Variants in TERF2 observed in about 807,000 individuals in gnomAD.
TERF2 encodes the protein telomeric repeat-binding factor 2.
In TERF2, 16 loss-of-function variants were observed where a neutral mutation model predicts 56.1. The observed-to-expected ratio is 0.29, with a 90% confidence interval of 0.19 to 0.43. The LOEUF (loss-of-function observed/expected upper bound fraction) is 0.43. Ranked by LOEUF, TERF2 falls within the 20% of genes least tolerant of loss-of-function variation. TERF2 has a pLI of 1.00. For missense variants in TERF2, 547 were observed against 712.9 expected (o/e 0.77, Z 2.65); for synonymous variants, 296 against 282.1 (o/e 1.05, Z -0.50).
chr16:69,357,005 CA>C lies in TERF2; in HGVS notation c.1521del (p.Tyr507Ter). ...SEWVKAGVQK[Y>X]GEGNWAAISK... ...GAAATGGCAGCCCAGTTTCCTTCCC[CA>C]TATTTCTGCACTCCAGCCTTGACCC... On this transcript the variant is annotated frameshift_variant, in exon 10 of 10. Coordinates refer to ENST00000254942, the MANE Select transcript of TERF2 (RefSeq NM_005652.5). LOFTEE classifies it high-confidence loss of function. 6.2e-7 allele frequency: 1 copy of C among 1,614,096 alleles called. No homozygotes were observed. Among genetic ancestry groups the C allele is most frequent in the Non-Finnish European group, 8.5e-7 (1 of 1,180,028 alleles).
chr16:69,378,473 A>C (rs2013874673), intron 3 of TERF2, among the ~76,000 whole-genome samples: 1 of 152,214 alleles, frequency 6.6e-6, no homozygotes, highest in African/African-American at 2.4e-5. Flanking sequence ...AAAAAGAGAA[A>C]AAACTGGGAT....
At chr16:69,374,825 C>T (rs1382431917) in intron 3 of TERF2, among the ~76,000 whole-genome samples, 1 of 151,796 alleles carries the variant, frequency 6.6e-6, no homozygotes, top group Non-Finnish European at 1.5e-5. Context: ...ATTAGACGGG[C>T]ATGGTAGTGC....
chr16:69,368,867 G>T (rs1051825846), intron 5 of TERF2, among the ~76,000 whole-genome samples: 2 of 151,994 alleles, frequency 1.3e-5, no homozygotes, highest in African/African-American at 4.8e-5. Flanking sequence ...GTAGAGACGG[G>T]GTTTCACCAT....
chr16:69,367,505 G>A (rs181684620), intron 6 of TERF2, among the ~76,000 whole-genome samples: 32 of 152,044 alleles, frequency 2.1e-4, no homozygotes, highest in Non-Finnish European at 3.8e-4. Flanking sequence ...CACCCACCTC[G>A]GCCTCCCAAA....
rs976948876 is a variant in TERF2 at position 69,366,829 on chromosome 16, G to A, written c.1318C>T (p.Leu440Phe). 6.2e-7 allele frequency: 1 copy of A among 1,612,932 alleles called. No individual in the cohort carries two copies. Among genetic ancestry groups the A allele is most frequent in the Admixed American group, 1.7e-5 (1 of 59,868 alleles). Residue 440 changes from leucine (L) to phenylalanine (F), a missense_variant, in exon 7 of 10, where the codon CTC becomes TTC. By Grantham distance (22) the Leu-to-Phe change is conservative. Transcript: ENST00000254942. ...PSKPTVLNQP[L>F]PGEKNPKVPK... ...TACTTGGGATTCTTCTCTCCAGGGA[G>A]GGGTTGGTTGAGAACGGTGGGCTTG...
intron 7 of TERF2, 41 bp from the exon 8 acceptor site, chr16:69,361,530 C>T (rs998289673): frequency 8.5e-6 from 12 of 1,417,886 alleles, no homozygotes; most frequent in Non-Finnish European, 1.1e-5. Context: ...AAAACAAATT[C>T]ACCCTGGATT....
At chr16:69,384,754 G>C (rs2014127599) in intron 2 of TERF2, 44 bp from the exon 3 acceptor site, 1 of 1,522,988 alleles carries the variant, frequency 6.6e-7, no homozygotes. Context: ...TTTTCTAAGG[G>C]TAAAAAAGTT....
intron 7 of TERF2, among the ~76,000 whole-genome samples, chr16:69,363,077 C>T (rs2013204676): frequency 1.3e-5 from 2 of 152,176 alleles, no homozygotes; most frequent in Admixed American, 1.3e-4. Flanking sequence ...TACATTGGAT[C>T]TTATCCCCAA....
intron 3 of TERF2, among the ~76,000 whole-genome samples, chr16:69,374,776 G>C (rs1444541358): frequency 6.6e-6 from 1 of 151,294 alleles, no homozygotes; most frequent in African/African-American, 2.4e-5. Context: ...GACCAGCCTG[G>C]TCAGCATGTG....
chr16:69,375,572 C>T (rs190780262), intron 3 of TERF2, among the ~76,000 whole-genome samples: 1 of 152,268 alleles, frequency 6.6e-6, no homozygotes, highest in African/African-American at 2.4e-5. Flanking sequence ...TTATGTACAA[C>T]ATGATGTTTT....
At position 69,357,548 on chromosome 16, in the gene TERF2, T is replaced by C. The variant is rs772054257; in HGVS notation, c.1440A>G (p.Glu480=). ...ELFQVQAAPD[E]DSTTNITKKQ... ...TTTTTGTTATATTGGTTGTACTGTC[T>C]TCATCTGGTGCTGCTGGAAAACATT... Residue 480 remains glutamate (E), a synonymous_variant, in exon 9 of 10, where the codon GAA becomes GAG. Coordinates refer to ENST00000254942, the MANE Select transcript of TERF2 (RefSeq NM_005652.5). 6.2e-7 allele frequency: 1 copy of C among 1,613,566 alleles called. No homozygotes were observed. Among genetic ancestry groups the C allele is most frequent in the Admixed American group, 1.7e-5 (1 of 59,860 alleles).
chr16:69,377,594 G>A (rs1367533832), intron 3 of TERF2, among the ~76,000 whole-genome samples: 1 of 152,186 alleles, frequency 6.6e-6, no homozygotes, highest in Non-Finnish European at 1.5e-5. Context: ...CCAAAGTGCT[G>A]CCTGGCCTTA....
intron 4 of TERF2, among the ~76,000 whole-genome samples, 175 bp downstream of exon 4, chr16:69,372,094 A>T (rs2013597525): frequency 6.6e-6 from 1 of 152,260 alleles, no homozygotes; most frequent in Non-Finnish European, 1.5e-5. Flanking sequence ...CTAAATTTTG[A>T]AAAGCCAATC....
intron 2 of TERF2, 41 bp downstream of exon 2, chr16:69,385,350 T>C (rs940905661): frequency 6.5e-7 from 1 of 1,547,064 alleles, no homozygotes; most frequent in African/African-American, 1.4e-5. Context: ...AACAAAACCC[T>C]ACGCAAGTAA....
At chr16:69,357,689 A>T in intron 8 of TERF2, 128 bp from the exon 9 acceptor site, 3 of 1,073,858 alleles carry the variant, frequency 2.8e-6, no homozygotes, top group East Asian at 4.9e-5. Flanking sequence ...AAGAGAAAGG[A>T]TATCACTAAA....
At chr16:69,359,459 T>G (rs1285862932) in intron 8 of TERF2, among the ~76,000 whole-genome samples, 4 of 145,914 alleles carry the variant, frequency 2.7e-5, no homozygotes, top group African/African-American at 1.0e-4. Flanking sequence ...ACCCAGGAGG[T>G]GGAGGTTGCG....
At chr16:69,369,349 T>C (rs1426390892) in intron 5 of TERF2, among the ~76,000 whole-genome samples, 1 of 152,156 alleles carries the variant, frequency 6.6e-6, no homozygotes, top group Admixed American at 6.5e-5. Context: ...CTGGTTTCTT[T>C]TGCCCAGGCT....
intron 8 of TERF2, among the ~76,000 whole-genome samples, chr16:69,358,265 G>C (rs1217304445): frequency 4.6e-5 from 7 of 151,978 alleles, no homozygotes; most frequent in Non-Finnish European, 1.5e-5. Context: ...CGCCCATCTC[G>C]GCCTTCCAAA....
intron 7 of TERF2, among the ~76,000 whole-genome samples, chr16:69,362,567 G>C (rs895183783): frequency 2.6e-5 from 4 of 152,160 alleles, no homozygotes; most frequent in Non-Finnish European, 5.9e-5. Context: ...TCAAAGATTA[G>C]AGTAAAAAGC....
Sources: gnomAD v4.1 joint callset for allele counts (sites outside exome capture counted in the v4.1 genomes callset) on GRCh38, gnomAD v4.1.1 for gene constraint, MANE v1.5 for transcripts, NCBI Gene and HGNC (gene_info 2026-07-23, HGNC 2026-07-21) for gene names.